Variants in SORCS2 observed in about 807,000 individuals in gnomAD.
SORCS2 encodes the protein VPS10 domain-containing receptor SorCS2.
SORCS2 carries 100 observed loss-of-function variants against 141.6 expected under a neutral mutation model. That is an observed-to-expected ratio of 0.71 (90% CI 0.60 to 0.83). The LOEUF (loss-of-function observed/expected upper bound fraction) is 0.83, where lower values mean the gene tolerates loss of function less well. Ranked by LOEUF, SORCS2 falls within the 40% of genes least tolerant of loss-of-function variation. SORCS2 has a pLI of 0.00. For synonymous variants in SORCS2, 789 were observed against 676.9 expected, an observed-to-expected ratio of 1.17 and a Z score of -2.57; for missense variants, 1,646 against 1,560.2, an observed-to-expected ratio of 1.05 and a Z score of -0.93.
chr4:7,357,773 G>A (rs574688518), intron 1 of SORCS2, among the ~76,000 whole-genome samples: 10 of 152,146 alleles, frequency 6.6e-5, no homozygotes, highest in African/African-American at 9.7e-5. Flanking sequence ...ATGCTGGGGT[G>A]GGGGGAGGTT....
chr4:7,688,001 A>T (rs969580090), intron 10 of SORCS2, among the ~76,000 whole-genome samples: 4 of 152,170 alleles, frequency 2.6e-5, no homozygotes, highest in African/African-American at 9.7e-5. Flanking sequence ...CATCTGTTAA[A>T]CCCTTGAGCA....
At position 7,674,298 on chromosome 4, in the gene SORCS2, G is replaced by A. The variant is rs115679867; in HGVS notation, c.1162-1752G>A. On this transcript the variant is annotated intron_variant, in intron 8 of 26. Transcript: ENST00000507866. Reference sequence around the variant, plus strand: ...TGGTAGCTCCAAAATAGCAACACTCGGCCGGGCGCGGTGGCTCACGCCTGT... The same window carrying A: ...TGGTAGCTCCAAAATAGCAACACTCAGCCGGGCGCGGTGGCTCACGCCTGT... 2.6e-3 allele frequency among the ~76,000 whole-genome samples: 395 copies of A among 152,120 alleles called. 2 individuals are homozygous for A. Among genetic ancestry groups the A allele is most frequent in the African/African-American group, 9.1e-3 (377 of 41,508 alleles).
chr4:7,328,454 T>G (rs1181036098), intron 1 of SORCS2, among the ~76,000 whole-genome samples: 4 of 152,130 alleles, frequency 2.6e-5, no homozygotes, highest in African/African-American at 9.7e-5. Flanking sequence ...GTTAAATCGC[T>G]TGGCCAGGGC....
At chr4:7,675,902 A>T (rs1462534724) in intron 8 of SORCS2, 148 bp from the exon 9 acceptor site, 1 of 777,876 alleles carries the variant, frequency 1.3e-6, no homozygotes, top group African/African-American at 1.7e-5. Context: ...AGCCCAGAGC[A>T]GCCGAGCCAG....
At chr4:7,700,112 C>T (rs1414878542) in intron 12 of SORCS2, among the ~76,000 whole-genome samples, 1 of 152,252 alleles carries the variant, frequency 6.6e-6, no homozygotes. Flanking sequence ...TCCTGCCCTC[C>T]AGGCCTTTGC....
intron 1 of SORCS2, among the ~76,000 whole-genome samples, chr4:7,363,099 A>G (rs62637157): frequency 0.43 from 64,091 of 150,374 alleles, 14,351 homozygotes; most frequent in Non-Finnish European, 0.5. Context: ...CACCATCACC[A>G]CTACCATCAC....
rs114678288 is a variant in SORCS2, at chr4:7,367,882, A to G, written c.481-28406A>G. On this transcript the variant is annotated intron_variant, in intron 1 of 26. Coordinates refer to ENST00000507866, the MANE Select transcript of SORCS2 (RefSeq NM_020777.3). Reference sequence around the variant, plus strand: ...ACCCCAAATCCCAGCTCAGGAGCACAGGCGGAGACAGCCCCCAGCCCTCCT... The same window carrying G: ...ACCCCAAATCCCAGCTCAGGAGCACGGGCGGAGACAGCCCCCAGCCCTCCT... Among the ~76,000 whole-genome samples the G allele has an allele frequency of 7.1e-3, 1,087 of 152,326 alleles. 16 individuals carry two copies. Among genetic ancestry groups the G allele is most frequent in the African/African-American group, 0.025 (1,030 of 41,578 alleles).
At chr4:7,287,961 A>G (rs1716338254) in intron 1 of SORCS2, among the ~76,000 whole-genome samples, 1 of 152,192 alleles carries the variant, frequency 6.6e-6, no homozygotes. Flanking sequence ...GCCTCTTCTG[A>G]CAGCTTCACC....
intron 2 of SORCS2, among the ~76,000 whole-genome samples, chr4:7,493,677 A>T (rs1279363769): frequency 6.6e-6 from 1 of 152,202 alleles, no homozygotes; most frequent in Non-Finnish European, 1.5e-5. Context: ...TTGTGGGTGC[A>T]TGTGTGTGTC....
chr4:7,548,085 C>T (rs1713404438), intron 3 of SORCS2, among the ~76,000 whole-genome samples: 1 of 152,182 alleles, frequency 6.6e-6, no homozygotes, highest in South Asian at 2.1e-4. Flanking sequence ...TTTCTGAAAG[C>T]AAGGAGGAGA....
intron 3 of SORCS2, among the ~76,000 whole-genome samples, chr4:7,630,066 C>T (rs1001102277): frequency 1.3e-5 from 2 of 152,190 alleles, no homozygotes; most frequent in Non-Finnish European, 2.9e-5. Flanking sequence ...CCACAGCAGC[C>T]ACCGGCATGT....
intron 3 of SORCS2, among the ~76,000 whole-genome samples, chr4:7,619,609 C>G (rs193132800): frequency 2.7e-3 from 410 of 152,262 alleles, no homozygotes; most frequent in African/African-American, 9.5e-3. Flanking sequence ...CCTGGAGAAG[C>G]GGCCCTGCCT....
At chr4:7,592,603 C>T (rs1019742826) in intron 3 of SORCS2, among the ~76,000 whole-genome samples, 1 of 152,250 alleles carries the variant, frequency 6.6e-6, no homozygotes, top group African/African-American at 2.4e-5. Flanking sequence ...TCTGCGGTCT[C>T]TCCCCGTCTC....
chr4:7,646,098 C>T (rs1318145516), intron 4 of SORCS2, among the ~76,000 whole-genome samples: 1 of 152,248 alleles, frequency 6.6e-6, no homozygotes, highest in Non-Finnish European at 1.5e-5. Context: ...CCGCTGGTGC[C>T]GCAGGTGAGC....
intron 2 of SORCS2, among the ~76,000 whole-genome samples, chr4:7,476,563 C>T (rs895265253): frequency 2.6e-5 from 4 of 151,996 alleles, no homozygotes; most frequent in Middle Eastern, 3.4e-3. Flanking sequence ...CACATAAAAC[C>T]TGTCACCTTT....
intron 1 of SORCS2, among the ~76,000 whole-genome samples, chr4:7,222,594 C>T (rs573837724): frequency 6.6e-6 from 1 of 152,272 alleles, no homozygotes; most frequent in South Asian, 2.1e-4. Context: ...TGGCTTGGTG[C>T]ACTGGCTGGC....
At chr4:7,640,258 A>G (rs1336734909) in intron 4 of SORCS2, among the ~76,000 whole-genome samples, 2 of 112,422 alleles carry the variant, frequency 1.8e-5, no homozygotes, top group African/African-American at 7.0e-5. Context: ...GTGAGTGTGT[A>G]TGTATGTGAG....
intron 3 of SORCS2, among the ~76,000 whole-genome samples, chr4:7,592,484 A>G (rs755645207): frequency 1.1e-4 from 17 of 152,184 alleles, no homozygotes; most frequent in Non-Finnish European, 1.9e-4. Flanking sequence ...CGTCTTCCCC[A>G]GCCCCCTTAC....
intron 2 of SORCS2, among the ~76,000 whole-genome samples, chr4:7,521,170 G>C (rs1425008640): frequency 6.6e-6 from 1 of 152,174 alleles, no homozygotes; most frequent in Non-Finnish European, 1.5e-5. Context: ...CTGGTGTCCA[G>C]AGCATGGTGG....
Sources: allele counts gnomAD v4.1 joint callset (sites outside exome capture counted in the v4.1 genomes callset), GRCh38; gene constraint gnomAD v4.1.1; transcripts MANE v1.5; gene names NCBI Gene and HGNC (gene_info 2026-07-23, HGNC 2026-07-21).